The following SPTLC1 variants were observed in gnomAD, a reference collection of about 807,000 sequenced individuals.
SPTLC1 encodes the protein serine palmitoyltransferase long chain base subunit 1, also known as serine palmitoyltransferase 1.
In SPTLC1, 55 loss-of-function variants were observed where a neutral mutation model predicts 68.9. That is an observed-to-expected ratio of 0.80 (90% CI 0.64 to 1.00). SPTLC1 has a LOEUF of 1.00. Among genes scored for constraint, SPTLC1 ranks in the 50% least tolerant of loss-of-function variants. The pLI is 0.00. For missense variants in SPTLC1, 449 were observed against 573.1 expected (o/e 0.78, Z 2.21); for synonymous variants, 197 against 201.6 (o/e 0.98, Z 0.19).
chr9:92,089,241 T>C lies in SPTLC1; in HGVS notation c.261-8278A>G, dbSNP rs575706303. Among the ~76,000 whole-genome samples the C allele has an allele frequency of 2.6e-5, 4 of 152,140 alleles. No homozygotes were observed. In the South Asian group the frequency reaches 8.3e-4, roughly 32 times the overall value. The stretch of plus-strand genomic sequence containing the variant: ...GCCTGACCAACATGGTGAGACCCCA[T>C]CTCTAGTAATAATACAAAAAAATAA... On this transcript the variant is annotated intron_variant, in intron 3 of 14. Coordinates refer to ENST00000262554, the MANE Select transcript of SPTLC1 (RefSeq NM_006415.4).
At chr9:92,075,261 A>G (rs1834643246) in intron 5 of SPTLC1, among the ~76,000 whole-genome samples, 1 of 151,976 alleles carries the variant, frequency 6.6e-6, no homozygotes, top group African/African-American at 2.4e-5. Flanking sequence ...CTAATCTCCA[A>G]ATTCCAATCC....
rs568680357 is a variant in SPTLC1, at chr9:92,048,038, C to T, written c.889-330G>A. Among the ~76,000 whole-genome samples the T allele has an allele frequency of 1.1e-4, 16 of 152,292 alleles. No homozygotes were observed. In the East Asian group the frequency reaches 3.1e-3, roughly 29 times the overall value. ...AAGTAGTCACAGGTACAAAATAAGACTATTTCCTCGCTAAAACAGTGGTCT... is the reference window on the plus strand; with the variant it reads ...AAGTAGTCACAGGTACAAAATAAGATTATTTCCTCGCTAAAACAGTGGTCT... On this transcript the variant is annotated intron_variant, in intron 9 of 14. Coordinates refer to ENST00000262554, the MANE Select transcript of SPTLC1 (RefSeq NM_006415.4).
chr9:92,058,731 C>A (rs747171587), intron 7 of SPTLC1, among the ~76,000 whole-genome samples: 13 of 152,172 alleles, frequency 8.5e-5, no homozygotes, highest in Non-Finnish European at 4.4e-5. Context: ...GAAAGGGCTT[C>A]ACTTTGTTCA....
intron 13 of SPTLC1, among the ~76,000 whole-genome samples, chr9:92,037,923 G>A (rs1833201653): frequency 6.6e-6 from 1 of 152,154 alleles, no homozygotes. Context: ...TTGTAAAATG[G>A]TGAGCAAGTG....
At chr9:92,035,204 A>C (rs537167973) in intron 13 of SPTLC1, among the ~76,000 whole-genome samples, 3 of 152,236 alleles carry the variant, frequency 2.0e-5, no homozygotes, top group Non-Finnish European at 4.4e-5. Flanking sequence ...AAATTCAAAC[A>C]GCCATAGCTA....
intron 6 of SPTLC1, among the ~76,000 whole-genome samples, chr9:92,061,254 G>C (rs1434453010): frequency 6.6e-6 from 1 of 152,162 alleles, no homozygotes; most frequent in Non-Finnish European, 1.5e-5. Flanking sequence ...AAAGCAGCCA[G>C]AGAAAAATGA....
chr9:92,086,339 G>A (rs1265941923), intron 3 of SPTLC1, among the ~76,000 whole-genome samples: 3 of 152,200 alleles, frequency 2.0e-5, no homozygotes, highest in African/African-American at 4.8e-5. Flanking sequence ...TCCTAGTCTG[G>A]ATGGTCTTTA....
chr9:92,081,597 G>A (rs150170049), intron 3 of SPTLC1, among the ~76,000 whole-genome samples: 1 of 152,290 alleles, frequency 6.6e-6, no homozygotes, highest in East Asian at 1.9e-4. Flanking sequence ...TAAGCCCTCT[G>A]CTGATCTATA....
At chr9:92,078,885 T>G (rs1834774169) in intron 5 of SPTLC1, among the ~76,000 whole-genome samples, 1 of 152,138 alleles carries the variant, frequency 6.6e-6, no homozygotes, top group African/African-American at 2.4e-5. Flanking sequence ...AGGGATAACA[T>G]AAGGTGCTCC....
chr9:92,051,157 A>G, intron 8 of SPTLC1: 2 of 983,564 alleles, frequency 2.0e-6, no homozygotes, highest in Non-Finnish European at 2.4e-6. Context: ...AGAAGAAAAC[A>G]AATACATCTC....
Position 92,079,874 on chromosome 9 carries a change from C to T in SPTLC1, c.427+142G>A. The T allele has an allele frequency of 3.9e-6, 3 of 775,116 alleles. No individual in the cohort carries two copies. The South Asian group carries it at 4.3e-5, about 11-fold the overall frequency. The allele number at this position is 775,116 out of a possible 1,614,324, so 48.0% of individuals were successfully genotyped here. On this transcript the variant is annotated intron_variant, in intron 5 of 14. Transcript: ENST00000262554. ...CTCCCTATATTGCCCATGCTGGTAT[C>T]AAATTCCTGGGCTCAAGGAATCCTC...
chr9:92,082,810 G>A (rs548570265), intron 3 of SPTLC1, among the ~76,000 whole-genome samples: 15,774 of 149,924 alleles, frequency 0.11, 1,758 homozygotes, highest in African/African-American at 0.29. Context: ...CTGAGGAATC[G>A]CCACACTGAC....
intron 3 of SPTLC1, among the ~76,000 whole-genome samples, chr9:92,086,348 T>C (rs1478483926): frequency 2.0e-5 from 3 of 152,308 alleles, no homozygotes; most frequent in African/African-American, 7.2e-5. Flanking sequence ...GGATGGTCTT[T>C]ACATTTTGGC....
At chr9:92,041,484 T>A (rs1038516300) in intron 12 of SPTLC1, among the ~76,000 whole-genome samples, 2 of 152,120 alleles carry the variant, frequency 1.3e-5, no homozygotes, top group African/African-American at 4.8e-5. Flanking sequence ...TGAGAGATAA[T>A]CAACAACTAT....
chr9:92,036,012 A>G (rs1296774041), intron 13 of SPTLC1, among the ~76,000 whole-genome samples: 1 of 152,264 alleles, frequency 6.6e-6, no homozygotes, highest in Admixed American at 6.5e-5. Context: ...CAAAGCTTAA[A>G]TAAGAGTTAC....
chr9:92,109,297 T>A (rs1836135501), intron 2 of SPTLC1: 1 of 177,126 alleles, frequency 5.6e-6, no homozygotes, highest in East Asian at 1.3e-4. Context: ...CTTCGCCGGT[T>A]TTTTCTGGGC....
At chr9:92,059,056 G>A (rs1833995060) in intron 7 of SPTLC1, 123 bp downstream of exon 7, 1 of 1,164,012 alleles carries the variant, frequency 8.6e-7, no homozygotes, top group Non-Finnish European at 1.2e-6. Flanking sequence ...TAATAAGCAG[G>A]AACACCTTAA....
rs1833685652 is a variant in SPTLC1 at position 92,050,917 on chromosome 9, A to C, written c.781-850T>G. 1.2e-5 allele frequency: 11 copies of C among 890,286 alleles called. No individual in the cohort carries two copies. The South Asian group carries it at 4.7e-4, about 38-fold the overall frequency. The allele number at this position is 890,286 out of a possible 1,614,324, so 55.1% of individuals were successfully genotyped here. A position where few individuals can be genotyped will look rare whatever the true frequency, so the allele number is the denominator to read the frequency against. On this transcript the variant is annotated intron_variant, in intron 8 of 14. Coordinates refer to ENST00000262554, the MANE Select transcript of SPTLC1 (RefSeq NM_006415.4). ...AGCCTTGACCTCCTGGGCTCAAGTG[A>C]TTCTCCTACCTCCGCCACCCAAAGT... is the stretch of plus-strand genomic sequence containing the variant.
rs529713547 is a variant in SPTLC1, at chr9:92,045,873, T to A, written c.1136+126A>T. 21 of 761,106 alleles carry A rather than the reference T, an allele frequency of 2.8e-5. No homozygotes were observed. In the East Asian group the frequency reaches 5.6e-4, roughly 20 times the overall value. 47.1% of individuals were successfully genotyped at this position (761,106 alleles called of 1,614,324 possible). A position where few individuals can be genotyped will look rare whatever the true frequency, so the allele number is the denominator to read the frequency against. ...CACAAATAAACCAATGTGAGTGAAC[T>A]AAGTTTTTGGTTTCTTAGCTGCAAT... On this transcript the variant is annotated intron_variant, in intron 12 of 14. Coordinates refer to ENST00000262554, the MANE Select transcript of SPTLC1 (RefSeq NM_006415.4).
Sources: allele counts gnomAD v4.1 joint callset (sites outside exome capture counted in the v4.1 genomes callset), GRCh38; gene constraint gnomAD v4.1.1; transcripts MANE v1.5; gene names NCBI Gene and HGNC (gene_info 2026-07-23, HGNC 2026-07-21).